Variants in XKR4 observed in about 807,000 individuals in gnomAD.
The protein encoded by XKR4 is XK-related protein 4.
In XKR4, 12 loss-of-function variants were observed where a neutral mutation model predicts 53.9. That is an observed-to-expected ratio of 0.22 (90% CI 0.14 to 0.36). The LOEUF (loss-of-function observed/expected upper bound fraction) is 0.36. Among genes scored for constraint, XKR4 ranks in the 10% least tolerant of loss-of-function variants. The pLI is 1.00. For synonymous variants in XKR4, 354 were observed against 362.4 expected, an observed-to-expected ratio of 0.98 and a Z score of 0.26; for missense variants, 799 against 859.5, an observed-to-expected ratio of 0.93 and a Z score of 0.88.
chr8:55,215,003 A>G (rs947312225), intron 1 of XKR4, among the ~76,000 whole-genome samples: 1 of 151,406 alleles, frequency 6.6e-6, no homozygotes. Flanking sequence ...ATCAGTTCAT[A>G]TTTCCTATAT....
chr8:55,370,608 T>C (rs1199553158), intron 2 of XKR4, among the ~76,000 whole-genome samples: 1 of 152,192 alleles, frequency 6.6e-6, no homozygotes, highest in Non-Finnish European at 1.5e-5. Context: ...GCCAAACTTA[T>C]AAAAATTAGG....
At chr8:55,470,458 C>G (rs945973875) in intron 2 of XKR4, among the ~76,000 whole-genome samples, 1 of 152,116 alleles carries the variant, frequency 6.6e-6, no homozygotes, top group Non-Finnish European at 1.5e-5. Context: ...TCACTTGGCT[C>G]TCATTCTCTT....
intron 2 of XKR4, among the ~76,000 whole-genome samples, chr8:55,413,074 A>C (rs1804798514): frequency 6.6e-6 from 1 of 152,198 alleles, no homozygotes. Flanking sequence ...TTTTATTGAC[A>C]TCCTTCTTGT....
At chr8:55,464,768 G>C (rs1421816409) in intron 2 of XKR4, among the ~76,000 whole-genome samples, 1 of 152,142 alleles carries the variant, frequency 6.6e-6, no homozygotes, top group Non-Finnish European at 1.5e-5. Context: ...TCCTTAAGCT[G>C]ATAAGCAACT....
At chr8:55,463,311 A>G (rs560999885) in intron 2 of XKR4, among the ~76,000 whole-genome samples, 2 of 152,328 alleles carry the variant, frequency 1.3e-5, no homozygotes, top group African/African-American at 4.8e-5. Context: ...GGAACTCAGG[A>G]TTAAGAAACT....
At chr8:55,429,477 G>A (rs10081499) in intron 2 of XKR4, among the ~76,000 whole-genome samples, 17,303 of 152,086 alleles carry the variant, frequency 0.11, 2,743 homozygotes, top group African/African-American at 0.36. Context: ...TGGGAGCCAA[G>A]GCAGGAGAAT....
chr8:55,462,903 T>A (rs1805685940), intron 2 of XKR4, among the ~76,000 whole-genome samples: 1 of 152,098 alleles, frequency 6.6e-6, no homozygotes, highest in Middle Eastern at 3.2e-3. Context: ...GGTAAAGGGA[T>A]CAATTCAAAA....
At chr8:55,390,406 A>G (rs1211557608) in intron 2 of XKR4, among the ~76,000 whole-genome samples, 1 of 152,238 alleles carries the variant, frequency 6.6e-6, no homozygotes, top group African/African-American at 2.4e-5. Flanking sequence ...GACTCTGAAA[A>G]GGGTTTTTTA....
At chr8:55,452,586 G>A (rs1805470906) in intron 2 of XKR4, 13 of 911,924 alleles carry the variant, frequency 1.4e-5, no homozygotes, top group Non-Finnish European at 2.0e-5. Context: ...CCGCTGCACC[G>A]CCTCCAGGGT....
chr8:55,517,876 G>A (rs559933438), intron 2 of XKR4: 1 of 152,168 alleles, frequency 6.6e-6, no homozygotes, highest in African/African-American at 2.4e-5. Flanking sequence ...CTGCTTTTTT[G>A]TATGTTTGTA....
At chr8:55,218,931 C>T (rs1817840010) in intron 1 of XKR4, among the ~76,000 whole-genome samples, 1 of 152,114 alleles carries the variant, frequency 6.6e-6, no homozygotes, top group Admixed American at 6.5e-5. Flanking sequence ...TTTGAAACAC[C>T]TCCAAGGTTC....
At chr8:55,105,043 CTT>C (rs1816120216) in intron 1 of XKR4, among the ~76,000 whole-genome samples, 2 of 152,070 alleles carry the variant, frequency 1.3e-5, no homozygotes, top group Non-Finnish European at 2.9e-5. Context: ...AGTTTCTAGA[CTT>C]ATGTAAATAA....
intron 1 of XKR4, among the ~76,000 whole-genome samples, chr8:55,146,305 G>A (rs532848833): frequency 6.6e-6 from 1 of 152,288 alleles, no homozygotes; most frequent in African/African-American, 2.4e-5. Flanking sequence ...GTTCAGAGTT[G>A]GGGACAAGAA....
intron 2 of XKR4, among the ~76,000 whole-genome samples, chr8:55,487,994 T>C (rs1221701929): frequency 6.6e-6 from 1 of 152,242 alleles, no homozygotes; most frequent in Non-Finnish European, 1.5e-5. Context: ...TCTGGAATTT[T>C]AATCATTCAG....
intron 2 of XKR4, among the ~76,000 whole-genome samples, chr8:55,378,687 G>A (rs187692875): frequency 4.5e-4 from 69 of 152,262 alleles, no homozygotes; most frequent in African/African-American, 1.6e-3. Flanking sequence ...TACATAAAAA[G>A]GTGGAGAGAG....
chr8:55,516,899 T>TA (rs907451637), intron 2 of XKR4, among the ~76,000 whole-genome samples: 3 of 151,990 alleles, frequency 2.0e-5, no homozygotes, highest in Admixed American at 6.6e-5. Flanking sequence ...AGGATTGGAT[T>TA]AAAAAAAATA....
chr8:55,170,237 G>A (rs746208065), intron 1 of XKR4, among the ~76,000 whole-genome samples: 2 of 152,178 alleles, frequency 1.3e-5, no homozygotes, highest in Non-Finnish European at 2.9e-5. Context: ...CTGTGAACAC[G>A]TTAGCTTATA....
intron 2 of XKR4, among the ~76,000 whole-genome samples, chr8:55,461,988 C>G (rs1193264765): frequency 6.6e-6 from 1 of 152,030 alleles, no homozygotes. Context: ...AAGACCTAAT[C>G]TACATCTACT....
chr8:55,227,549 A>G (rs1817973005), intron 1 of XKR4, among the ~76,000 whole-genome samples: 1 of 152,256 alleles, frequency 6.6e-6, no homozygotes, highest in Non-Finnish European at 1.5e-5. Flanking sequence ...CTCCACTTCC[A>G]TTCAAAGATA....
Sources: gnomAD v4.1 joint callset for allele counts (sites outside exome capture counted in the v4.1 genomes callset) on GRCh38, gnomAD v4.1.1 for gene constraint, MANE v1.5 for transcripts, NCBI Gene and HGNC (gene_info 2026-07-23, HGNC 2026-07-21) for gene names.